Variants in ENPEP observed in about 807,000 individuals in gnomAD.
ENPEP encodes AP-A.
Under a neutral mutation model 114.5 loss-of-function variants are expected in ENPEP, and 103 were observed. That is an observed-to-expected ratio of 0.90 (90% CI 0.77 to 1.06). The LOEUF (loss-of-function observed/expected upper bound fraction) is 1.06. Ranked by LOEUF, ENPEP falls within the 50% of genes least tolerant of loss-of-function variation. The probability of loss-of-function intolerance (pLI) is 0.00; values close to 1 mark genes in which losing one functional copy is unlikely to be tolerated. For missense variants in ENPEP, 1,196 were observed against 1,161.3 expected, an observed-to-expected ratio of 1.03 and a Z score of -0.43; for synonymous variants, 420 against 422.0, an observed-to-expected ratio of 1.00 and a Z score of 0.06.
chr4:110,547,458 G>A (rs993128517), intron 13 of ENPEP, among the ~76,000 whole-genome samples: 1 of 152,026 alleles, frequency 6.6e-6, no homozygotes, highest in Non-Finnish European at 1.5e-5. Flanking sequence ...AGAGGTTCTT[G>A]TACTAGTGGT....
chr4:110,543,122 A>T, intron 13 of ENPEP, 52 bp downstream of exon 13: 1 of 1,499,694 alleles, frequency 6.7e-7, no homozygotes, highest in South Asian at 1.2e-5. Context: ...GTTTTCTCAT[A>T]AATCTTTTAA....
rs766163538 is a variant in ENPEP, at chr4:110,548,244, TA to T, written c.2070del (p.Leu690PhefsTer6). The T allele has an allele frequency of 1.1e-5, 17 of 1,600,854 alleles. No individual in the cohort carries two copies. The highest frequency in any genetic ancestry group is 1.3e-5 in the Non-Finnish European group (15 of 1,174,346). ...TKYLKREENF[L>X]PWQRVISAVT... ...TATCTCAAAAGGGAAGAGAATTTTT[TA>T]CCATGGCAGAGAGTAATTTCAGCTG... is the stretch of plus-strand genomic sequence containing the variant. On this transcript the variant is annotated frameshift_variant, in exon 14 of 20. Transcript: ENST00000265162. LOFTEE classifies it high-confidence loss of function.
chr4:110,554,881 A>G (rs1340899082), intron 18 of ENPEP, among the ~76,000 whole-genome samples: 1 of 152,048 alleles, frequency 6.6e-6, no homozygotes, highest in Admixed American at 6.6e-5. Flanking sequence ...AATGGCCATT[A>G]ACTTATTGTT....
At chr4:110,488,431 T>A (rs975789214) in intron 1 of ENPEP, 110 bp from the exon 2 acceptor site, 240 of 1,306,566 alleles carry the variant, frequency 1.8e-4, no homozygotes, top group Non-Finnish European at 6.7e-5. Context: ...TTTTTAGAAA[T>A]GTAATAGTTA....
chr4:110,508,009 C>A (rs984054375), intron 4 of ENPEP, among the ~76,000 whole-genome samples: 21 of 152,106 alleles, frequency 1.4e-4, no homozygotes, highest in Admixed American at 4.6e-4. Flanking sequence ...ATATTGTACA[C>A]ATGAATTTAA....
intron 18 of ENPEP, among the ~76,000 whole-genome samples, chr4:110,557,675 C>T (rs149885083): frequency 2.6e-3 from 392 of 152,228 alleles, no homozygotes; most frequent in African/African-American, 8.8e-3. Flanking sequence ...GGAAATGTGT[C>T]AGAGGCCAGA....
chr4:110,517,209 G>A (rs898583892), intron 8 of ENPEP, among the ~76,000 whole-genome samples: 12 of 152,006 alleles, frequency 7.9e-5, no homozygotes, highest in African/African-American at 2.9e-4. Context: ...CAAAGTGCTG[G>A]GATTACAGCC....
chr4:110,489,419 G>T (rs1378534587), intron 2 of ENPEP, among the ~76,000 whole-genome samples: 2 of 152,076 alleles, frequency 1.3e-5, no homozygotes, highest in Non-Finnish European at 2.9e-5. Flanking sequence ...GGGGTGGGGG[G>T]CTAGGGGAGC....
intron 17 of ENPEP, among the ~76,000 whole-genome samples, chr4:110,550,114 C>T (rs907919452): frequency 2.0e-5 from 3 of 151,996 alleles, no homozygotes; most frequent in Non-Finnish European, 2.9e-5. Flanking sequence ...TTGTGTGCAG[C>T]GGCTCAACAT....
At chr4:110,556,545 A>T (rs1390188772) in intron 18 of ENPEP, among the ~76,000 whole-genome samples, 1 of 152,070 alleles carries the variant, frequency 6.6e-6, no homozygotes, top group African/African-American at 2.4e-5. Context: ...TTTCCCTACA[A>T]CTATACGTAG....
At chr4:110,501,503 TA>T (rs1049310583) in intron 3 of ENPEP, among the ~76,000 whole-genome samples, 2 of 152,126 alleles carry the variant, frequency 1.3e-5, no homozygotes, top group African/African-American at 4.8e-5. Flanking sequence ...ACTCAATGTT[TA>T]GGTCCCACTT....
intron 3 of ENPEP, among the ~76,000 whole-genome samples, chr4:110,495,919 C>T (rs1178710607): frequency 6.6e-6 from 1 of 152,108 alleles, no homozygotes; most frequent in Admixed American, 6.5e-5. Flanking sequence ...CTTGGCTTTC[C>T]TGAACAGAGG....
intron 18 of ENPEP, among the ~76,000 whole-genome samples, chr4:110,555,862 T>C (rs190051000): frequency 6.6e-6 from 1 of 152,040 alleles, no homozygotes; most frequent in Non-Finnish European, 1.5e-5. Context: ...AATTAAATCC[T>C]TATTTTAGTT....
intron 7 of ENPEP, 53 bp from the exon 8 acceptor site, chr4:110,515,321 CATT>C (rs1473685880): frequency 7.1e-7 from 1 of 1,408,502 alleles, no homozygotes; most frequent in East Asian, 2.3e-5. Flanking sequence ...AATAACTGAT[CATT>C]GTTCCTTACA....
At chr4:110,500,708 T>G (rs1419406842) in intron 3 of ENPEP, among the ~76,000 whole-genome samples, 1 of 152,154 alleles carries the variant, frequency 6.6e-6, no homozygotes, top group Non-Finnish European at 1.5e-5. Context: ...GTTATTTCAG[T>G]ATGGGTTGTC....
At position 110,491,163 on chromosome 4, in the gene ENPEP, C is replaced by T. The variant is rs764736928; in HGVS notation, c.917C>T (p.Pro306Leu). ...SVKRISNSGK[P>L]LTIYVQPEQK... Reference sequence around the variant, plus strand: ...AAGAGAATATCAAATAGTGGAAAACCTGTGAGTCTCATTATATTTTAAAAA... The same window carrying T: ...AAGAGAATATCAAATAGTGGAAAACTTGTGAGTCTCATTATATTTTAAAAA... Residue 306 changes from proline (P) to leucine (L), a missense_variant and splice_region_variant, in exon 3 of 20, where the codon CCT (proline) becomes CTT (leucine). Transcript: ENST00000265162. The T allele has an allele frequency of 1.0e-5, 16 of 1,596,414 alleles. No homozygotes were observed. The highest frequency in any genetic ancestry group is 1.8e-5 in the Admixed American group (1 of 56,330).
intron 18 of ENPEP, among the ~76,000 whole-genome samples, chr4:110,555,423 T>A (rs1578421364): frequency 6.6e-6 from 1 of 152,138 alleles, no homozygotes; most frequent in South Asian, 2.1e-4. Flanking sequence ...TCTGAACAAT[T>A]TATGGTCATC....
chr4:110,556,967 G>A (rs1042905950), intron 18 of ENPEP, among the ~76,000 whole-genome samples: 4 of 152,110 alleles, frequency 2.6e-5, no homozygotes, highest in African/African-American at 9.7e-5. Flanking sequence ...CAAATTTTAA[G>A]TAAAGAGTCA....
intron 18 of ENPEP, chr4:110,559,113 G>A (rs1190286492): frequency 6.5e-6 from 1 of 152,740 alleles, no homozygotes; most frequent in Non-Finnish European, 1.5e-5. Flanking sequence ...GGTCCAAGTT[G>A]TTAGCGTGCT....
Sources: gnomAD v4.1 joint callset for allele counts (sites outside exome capture counted in the v4.1 genomes callset) on GRCh38, gnomAD v4.1.1 for gene constraint, MANE v1.5 for transcripts, NCBI Gene and HGNC (gene_info 2026-07-23, HGNC 2026-07-21) for gene names.